Variants in CENPC observed in about 807,000 individuals in gnomAD.
CENPC encodes centromere protein C.
A neutral mutation model predicts 112.1 loss-of-function variants in CENPC; 63 were observed. That is an observed-to-expected ratio of 0.56 (90% CI 0.46 to 0.69). The LOEUF (loss-of-function observed/expected upper bound fraction) is 0.69, where lower values mean the gene tolerates loss of function less well. CENPC is among the 30% of genes least tolerant of loss of function. The pLI, the probability that CENPC is intolerant of heterozygous loss-of-function variation, is 0.00. For synonymous variants in CENPC, 333 were observed against 367.6 expected (o/e 0.91, Z 1.08); for missense variants, 1,000 against 1,103.8 (o/e 0.91, Z 1.33).
chr4:67,516,417 G>A (rs1726058600), intron 7 of CENPC, among the ~76,000 whole-genome samples: 1 of 151,966 alleles, frequency 6.6e-6, no homozygotes, highest in African/African-American at 2.4e-5. Flanking sequence ...GGCTTAGTTA[G>A]CTATGTTTAG....
intron 4 of CENPC, among the ~76,000 whole-genome samples, chr4:67,539,212 A>C (rs923927925): frequency 1.3e-5 from 2 of 152,216 alleles, no homozygotes. Context: ...AGGCCTCTCA[A>C]TTCTGAAAGA....
chr4:67,476,943 A>G (rs1724821210), intron 17 of CENPC, among the ~76,000 whole-genome samples: 1 of 152,066 alleles, frequency 6.6e-6, no homozygotes. Context: ...AGACAGCCAT[A>G]ATCCCCTTGG....
At position 67,508,867 on chromosome 4, in the gene CENPC, T is replaced by C. The variant is rs1484384318; in HGVS notation, c.1851A>G (p.Pro617=). 4.3e-6 allele frequency: 7 copies of C among 1,613,614 alleles called. No homozygotes were observed. The highest frequency in any genetic ancestry group is 5.9e-6 in the Non-Finnish European group (7 of 1,179,694). The change falls in exon 10 of 19, where the codon CCA becomes CCG. Residue 617 remains proline, a synonymous_variant. Transcript: ENST00000273853. ...DEISRCSLSE[P]LESDEADLAK... is the part of the protein sequence containing the mutation. ...CCAAGTCTGCCTCATCACTTTCCAA[T>C]GGCTCACTCAGCGAACATCTGGAAA...
At chr4:67,493,764 T>C (rs1323701731) in intron 14 of CENPC, 120 bp downstream of exon 14, 2 of 593,670 alleles carry the variant, frequency 3.4e-6, no homozygotes, top group Non-Finnish European at 5.9e-6. Flanking sequence ...TAAATCCTAT[T>C]ATCAAAATTT....
intron 9 of CENPC, chr4:67,510,844 A>G (rs1157930601): frequency 3.5e-5 from 13 of 369,766 alleles, no homozygotes; most frequent in Non-Finnish European, 6.4e-5. Flanking sequence ...TGATATATAA[A>G]GATTCCTCCA....
intron 16 of CENPC, 136 bp from the exon 17 acceptor site, chr4:67,490,257 T>C (rs933567482): frequency 4.1e-5 from 22 of 542,146 alleles, no homozygotes; most frequent in Non-Finnish European, 5.3e-5. Flanking sequence ...GCATTAACTC[T>C]GGAGCTAGAA....
intron 16 of CENPC, among the ~76,000 whole-genome samples, chr4:67,491,065 C>T (rs899109498): frequency 1.3e-5 from 2 of 151,004 alleles, no homozygotes; most frequent in African/African-American, 2.4e-5. Context: ...ATAGAGATAC[C>T]TTTGCTAAGG....
chr4:67,474,670 C>T, intron 18 of CENPC: 13 of 441,164 alleles, frequency 2.9e-5, no homozygotes, highest in Non-Finnish European at 3.7e-5. Context: ...TGCACTCCAG[C>T]CTGGGTGACA....
At chr4:67,541,150 T>G in intron 2 of CENPC, 100 bp from the exon 3 acceptor site, 1 of 741,216 alleles carries the variant, frequency 1.3e-6, no homozygotes, top group Non-Finnish European at 2.2e-6. Flanking sequence ...ATAAATTTAC[T>G]TAATATGTAA....
At chr4:67,506,714 A>G in intron 11 of CENPC, 74 bp downstream of exon 11, 1 of 1,153,758 alleles carries the variant, frequency 8.7e-7, no homozygotes, top group Non-Finnish European at 1.2e-6. Flanking sequence ...ATTAAAATAA[A>G]GTTCTTGGGT....
chr4:67,470,431 G>T lies in CENPC; in HGVS notation c.*2174C>A, dbSNP rs2109752459. 6.6e-6 allele frequency: 1 copy of T among 152,054 alleles called. No homozygotes were observed. The highest frequency in any genetic ancestry group is 1.5e-5 in the Non-Finnish European group (1 of 68,074). The allele number at this position is 152,054 out of a possible 1,614,324, so 9.4% of individuals were successfully genotyped here. A position where few individuals can be genotyped will look rare whatever the true frequency, so the allele number is the denominator to read the frequency against. On this transcript the variant is annotated 3_prime_UTR_variant, in exon 19 of 19. Coordinates refer to ENST00000273853, the MANE Select transcript of CENPC (RefSeq NM_001812.4). ...TACTAAAAACACAAAAACTAGCCAG[G>T]CGTGGTGGCAAGCAACTGTAATCCC...
Position 67,470,572 on chromosome 4 carries a change from C to CAAAAAAAAAAAAAAAAAAAAA in CENPC, c.*2032_*2033insTTTTTTTTTTTTTTTTTTTTT, listed in dbSNP as rs140631298. The CAAAAAAAAAAAAAAAAAAAAA allele has an allele frequency of 1.1e-5, 1 of 91,958 alleles. No homozygotes were observed. 5.7% of individuals were successfully genotyped at this position (91,958 alleles called of 1,614,324 possible). On this transcript the variant is annotated 3_prime_UTR_variant, in exon 19 of 19. Coordinates refer to ENST00000273853, the MANE Select transcript of CENPC (RefSeq NM_001812.4). The stretch of plus-strand genomic sequence containing the variant: ...AGGCAACAAGAGTGAAACTCTGCCT[C>CAAAAAAAAAAAAAAAAAAAAA]AAAAAAAAAAAAAAAGAAAAGAAAA...
intron 9 of CENPC, among the ~76,000 whole-genome samples, chr4:67,511,207 AC>A (rs373455329): frequency 2.0e-3 from 311 of 152,286 alleles, no homozygotes; most frequent in African/African-American, 7.2e-3. Flanking sequence ...GATACTTTGA[AC>A]TCAGATCTCA....
rs200998915 is a variant in CENPC at position 67,508,820 on chromosome 4, C to T, written c.1898G>A (p.Cys633Tyr). ...TACACATAACAGACATTACCTAGAA[C>T]AATCAAGATTTTTCTTCTTAGCCAA... ...ADLAKKKNLDCSRSTRSSKNE... is the reference protein window; with the variant it reads ...ADLAKKKNLDYSRSTRSSKNE... Residue 633 changes from cysteine to tyrosine, a missense_variant, in exon 10 of 19, where the codon TGT (cysteine) becomes TAT (tyrosine). Transcript: ENST00000273853. The T allele has an allele frequency of 1.7e-4, 272 of 1,612,670 alleles. No homozygotes were observed. The highest frequency in any genetic ancestry group is 2.2e-4 in the Non-Finnish European group (258 of 1,179,260).
At chr4:67,523,457 G>C (rs749215795) in intron 5 of CENPC, among the ~76,000 whole-genome samples, 2 of 152,194 alleles carry the variant, frequency 1.3e-5, no homozygotes, top group Non-Finnish European at 2.9e-5. Context: ...AAATGTAAAA[G>C]ATAAGTAAAT....
At position 67,545,460 on chromosome 4, in the gene CENPC, G is replaced by A. The variant is rs959328731; in HGVS notation, c.-105C>T. ...ACGAATCGCCGGAATACCAGGCCGC[G>A]GCCAAGCAATAACCTTAAGTCTCAG... On this transcript the variant is annotated 5_prime_UTR_variant, in exon 1 of 19. Coordinates refer to ENST00000273853, the MANE Select transcript of CENPC (RefSeq NM_001812.4). 10 of 1,261,132 alleles carry A rather than the reference G, an allele frequency of 7.9e-6. No homozygotes were observed. The highest frequency in any genetic ancestry group is 6.2e-5 in the African/African-American group (4 of 64,776). The allele number at this position is 1,261,132 out of a possible 1,614,324, so 78.1% of individuals were successfully genotyped here.
rs117553007 is a variant in CENPC at position 67,506,662 on chromosome 4, T to C, written c.2051+126A>G. ...CTAAGCCTCCCAGATTGCTGAGCCA[T>C]AGAAACTATGAAACAATAAGTGTTT... is the stretch of plus-strand genomic sequence containing the variant. On this transcript the variant is annotated intron_variant, in intron 11 of 18. Transcript: ENST00000273853. 1.2e-3 allele frequency: 925 copies of C among 777,190 alleles called. 16 individuals are homozygous for C. In the East Asian group the frequency reaches 0.026, roughly 22 times the overall value. The allele number at this position is 777,190 out of a possible 1,614,324, so 48.1% of individuals were successfully genotyped here.
intron 4 of CENPC, 73 bp from the exon 5 acceptor site, chr4:67,530,987 T>C (rs1170418255): frequency 5.9e-6 from 4 of 682,402 alleles, no homozygotes; most frequent in Non-Finnish European, 9.4e-6. Context: ...ATTTGTTTTT[T>C]AAATGGGGGG....
intron 2 of CENPC, among the ~76,000 whole-genome samples, chr4:67,542,940 A>T (rs753539384): frequency 2.6e-5 from 4 of 152,184 alleles, no homozygotes; most frequent in Non-Finnish European, 5.9e-5. Flanking sequence ...ACATTAGGCA[A>T]CAGCTTTTTC....
Sources: gnomAD v4.1 joint callset for allele counts (sites outside exome capture counted in the v4.1 genomes callset) on GRCh38, gnomAD v4.1.1 for gene constraint, MANE v1.5 for transcripts, NCBI Gene and HGNC (gene_info 2026-07-23, HGNC 2026-07-21) for gene names.